ITGA8: variants seen among roughly 807,000 people sequenced by gnomAD.
ITGA8 encodes the protein integrin alpha-8.
ITGA8 carries 91 observed loss-of-function variants against 142.3 expected under a neutral mutation model. The observed-to-expected ratio is 0.64, with a 90% CI of 0.54 to 0.76. The LOEUF is 0.76. ITGA8 is among the 30% of genes least tolerant of loss of function. The probability of loss-of-function intolerance (pLI) is 0.00; values close to 1 mark genes in which losing one functional copy is unlikely to be tolerated. For missense variants in ITGA8, 1,406 were observed against 1,327.7 expected (o/e 1.06, Z -0.92); for synonymous variants, 505 against 485.2 (o/e 1.04, Z -0.54).
At chr10:15,599,785 G>C (rs548887860) in intron 20 of ITGA8, among the ~76,000 whole-genome samples, 1 of 152,294 alleles carries the variant, frequency 6.6e-6, no homozygotes, top group East Asian at 1.9e-4. Flanking sequence ...GCTGAGCATG[G>C]TGGCTGGCGC....
At chr10:15,530,274 G>A (rs1426798714) in intron 28 of ITGA8, among the ~76,000 whole-genome samples, 1 of 146,450 alleles carries the variant, frequency 6.8e-6, no homozygotes, top group African/African-American at 2.5e-5. Flanking sequence ...TCAGCTGGGC[G>A]CAGTGGCTTA....
chr10:15,655,414 G>A lies in ITGA8; in HGVS notation c.949-8C>T, dbSNP rs1834165919. On this transcript the variant is annotated splice_polypyrimidine_tract_variant and splice_region_variant and intron_variant, in intron 10 of 29. Coordinates refer to ENST00000378076, the MANE Select transcript of ITGA8 (RefSeq NM_003638.3). ...TCCAAAATAAGATGCCATCTGCAAAGGAAAATCAGGAGATGACATTTTGTG... is the reference window on the plus strand; with the variant it reads ...TCCAAAATAAGATGCCATCTGCAAAAGAAAATCAGGAGATGACATTTTGTG... The A allele has an allele frequency of 3.7e-6, 6 of 1,602,890 alleles. No homozygotes were observed. In the South Asian group the frequency reaches 6.6e-5, roughly 18 times the overall value.
At chr10:15,663,610 C>A (rs911203755) in intron 8 of ITGA8, among the ~76,000 whole-genome samples, 1 of 151,934 alleles carries the variant, frequency 6.6e-6, no homozygotes, top group African/African-American at 2.4e-5. Context: ...GTCTGTCACC[C>A]AAGGCTAGAG....
intron 21 of ITGA8, among the ~76,000 whole-genome samples, chr10:15,594,928 A>G (rs141789009): frequency 3.1e-4 from 47 of 152,360 alleles, no homozygotes; most frequent in Non-Finnish European, 4.3e-4. Context: ...CAAAGACCCA[A>G]TGAAGGTGTG....
chr10:15,717,378 G>A (rs1588749832), intron 2 of ITGA8, among the ~76,000 whole-genome samples: 1 of 152,074 alleles, frequency 6.6e-6, no homozygotes, highest in South Asian at 2.1e-4. Context: ...TATTAAAATG[G>A]CATTAATTTT....
At chr10:15,632,935 C>T (rs1588687444) in intron 13 of ITGA8, among the ~76,000 whole-genome samples, 1 of 152,062 alleles carries the variant, frequency 6.6e-6, no homozygotes, top group Non-Finnish European at 1.5e-5. Context: ...CCAGACACCT[C>T]CAGCTGCCCT....
At position 15,694,684 on chromosome 10, in the gene ITGA8, T is replaced by TATACATATATATATATACACAC. The variant is rs1432963372; in HGVS notation, c.344-6647_344-6646insGTGTGTATATATATATATGTAT. Reference sequence around the variant, plus strand: ...TTATATCTATATTTGTCGACATATATATATATATATATATATATGTCGACA... The same window carrying TATACATATATATATATACACAC: ...TTATATCTATATTTGTCGACATATATATACATATATATATATACACACATATATATATATATATATGTCGACA... On this transcript the variant is annotated intron_variant, in intron 2 of 29. Transcript: ENST00000378076. 3.9e-4 allele frequency among the ~76,000 whole-genome samples: 51 copies of TATACATATATATATATACACAC among 132,196 alleles called. 3 individuals carry two copies. The highest frequency in any genetic ancestry group is 1.3e-3 in the African/African-American group (49 of 36,948). 86.7% of individuals were successfully genotyped at this position (132,196 alleles called of 152,430 possible).
chr10:15,678,411 C>T (rs563430687), intron 5 of ITGA8, among the ~76,000 whole-genome samples: 6 of 152,166 alleles, frequency 3.9e-5, no homozygotes, highest in Admixed American at 1.3e-4. Context: ...TTTTAAGAAA[C>T]ATTACTGAGT....
At chr10:15,636,290 A>C (rs769795142) in intron 13 of ITGA8, among the ~76,000 whole-genome samples, 8 of 152,218 alleles carry the variant, frequency 5.3e-5, no homozygotes, top group Non-Finnish European at 1.0e-4. Flanking sequence ...TCACTCAATT[A>C]ATGTATGCAA....
chr10:15,552,244 C>G (rs1264383387), intron 26 of ITGA8, among the ~76,000 whole-genome samples: 1 of 152,088 alleles, frequency 6.6e-6, no homozygotes, highest in Non-Finnish European at 1.5e-5. Flanking sequence ...TCACGCCATT[C>G]TCCTGCCTCA....
chr10:15,585,988 G>T (rs1307978913), intron 23 of ITGA8, among the ~76,000 whole-genome samples: 2 of 151,440 alleles, frequency 1.3e-5, no homozygotes, highest in East Asian at 1.9e-4. Flanking sequence ...ATTTTATCTG[G>T]CTTCTTATCA....
intron 4 of ITGA8, among the ~76,000 whole-genome samples, chr10:15,681,554 AC>A (rs778591856): frequency 1.5e-4 from 23 of 152,306 alleles, no homozygotes; most frequent in Middle Eastern, 3.4e-3. Flanking sequence ...TCACTCTGAA[AC>A]TTTTCCCCTA....
chr10:15,520,541 T>A (rs1833043076), intron 28 of ITGA8, among the ~76,000 whole-genome samples: 1 of 152,236 alleles, frequency 6.6e-6, no homozygotes, highest in Non-Finnish European at 1.5e-5. Flanking sequence ...GCATGCTCAG[T>A]GTCTATGAAC....
intron 3 of ITGA8, 86 bp from the exon 4 acceptor site, chr10:15,684,213 T>G (rs1403682963): frequency 1.4e-6 from 2 of 1,394,378 alleles, no homozygotes; most frequent in African/African-American, 1.4e-5. Flanking sequence ...TATAACAAAC[T>G]GTTAAATTAT....
At chr10:15,617,644 C>A (rs1420266337) in intron 13 of ITGA8, among the ~76,000 whole-genome samples, 1 of 151,896 alleles carries the variant, frequency 6.6e-6, no homozygotes, top group Admixed American at 6.6e-5. Flanking sequence ...CATGATCCAC[C>A]CGCCTCGGCC....
At chr10:15,575,233 T>C (rs912164863) in intron 24 of ITGA8, among the ~76,000 whole-genome samples, 5 of 151,744 alleles carry the variant, frequency 3.3e-5, no homozygotes, top group Non-Finnish European at 5.9e-5. Flanking sequence ...TAGAAAAAAA[T>C]ACAAAAATTA....
chr10:15,597,371 GC>G, intron 20 of ITGA8, 72 bp from the exon 21 acceptor site: 1 of 1,216,826 alleles, frequency 8.2e-7, no homozygotes. Context: ...CATGCTGGGG[GC>G]CTGGGAGCTC....
At chr10:15,562,599 G>A (rs1834003935) in intron 25 of ITGA8, among the ~76,000 whole-genome samples, 1 of 152,204 alleles carries the variant, frequency 6.6e-6, no homozygotes, top group South Asian at 2.1e-4. Flanking sequence ...AAATTTTCTT[G>A]AAGAGAACAA....
rs542169993 is a variant in ITGA8, at chr10:15,704,491, C to G, written c.343+14275G>C. On this transcript the variant is annotated intron_variant, in intron 2 of 29. Transcript: ENST00000378076. ...CCCTGTCAGTATCATCTTTGTCACT[C>G]TCAACCACGATGGTTTTCTTTCAGC... Among the ~76,000 whole-genome samples the G allele has an allele frequency of 3.3e-5, 5 of 152,308 alleles. No individual in the cohort carries two copies. In the East Asian group the frequency reaches 9.6e-4, roughly 29 times the overall value.
Sources: allele counts gnomAD v4.1 joint callset (sites outside exome capture counted in the v4.1 genomes callset), GRCh38; gene constraint gnomAD v4.1.1; transcripts MANE v1.5; gene names NCBI Gene and HGNC (gene_info 2026-07-23, HGNC 2026-07-21).